The following NARF variants were observed in gnomAD, a reference collection of about 807,000 sequenced individuals.
NARF encodes the protein iron-only hydrogenase-like protein 2.
In NARF, 41 loss-of-function variants were observed where a neutral mutation model predicts 48.0. The ratio of observed to expected loss-of-function variants is 0.85; its 90% CI spans 0.66 to 1.11. NARF has a LOEUF of 1.11. NARF is among the 50% of genes least tolerant of loss of function. The pLI, the probability that NARF is intolerant of heterozygous loss-of-function variation, is 0.00. For synonymous variants in NARF, 215 were observed against 225.5 expected (o/e 0.95, Z 0.42); for missense variants, 613 against 590.2 (o/e 1.04, Z -0.40).
intron 1 of NARF, chr17:82,459,287 A>G (rs1053163144): frequency 4.9e-6 from 3 of 615,356 alleles, no homozygotes; most frequent in Non-Finnish European, 6.1e-6. Flanking sequence ...CATGGCAACA[A>G]CCGCGCAGCG....
In NARF at chr17:82,478,918, G is replaced by T. The variant is rs2043897401; in HGVS notation, c.639G>T (p.Gln213His). Residue 213 changes from glutamine to histidine, a missense_variant and splice_region_variant, in exon 6 of 11, where the codon CAG (glutamine) becomes CAT (histidine). Transcript: ENST00000309794. Reference protein sequence around the residue: ...SLVKDYFARQQNLSPEKIFHV... With the variant: ...SLVKDYFARQHNLSPEKIFHV... ...TGAAGGATTATTTCGCCAGACAGCA[G>T]GTAAGCTGACCTCTCTGGAGGGCAG... is the stretch of plus-strand genomic sequence containing the variant. The T allele has an allele frequency of 6.2e-6, 10 of 1,613,144 alleles. No individual in the cohort carries two copies. The highest frequency in any genetic ancestry group is 8.5e-6 in the Non-Finnish European group (10 of 1,179,518).
intron 4 of NARF, 24 bp from the exon 5 acceptor site, chr17:82,472,540 T>C (rs2043734552): frequency 1.9e-6 from 3 of 1,575,570 alleles, no homozygotes; most frequent in Non-Finnish European, 2.6e-6. Context: ...TGATTTAAGC[T>C]GAATATGCTC....
rs768436958 is a variant in NARF at position 82,484,780 on chromosome 17, C to A, written c.834-33C>A. On this transcript the variant is annotated intron_variant, in intron 8 of 10. Transcript: ENST00000309794. Reference sequence around the variant, plus strand: ...CTTTCTGTCACTGTACGTCAGCATTCATGAAGGACTTGTATTTTCTCTGCC... The same window carrying A: ...CTTTCTGTCACTGTACGTCAGCATTAATGAAGGACTTGTATTTTCTCTGCC... The A allele has an allele frequency of 3.2e-6, 5 of 1,553,800 alleles. No homozygotes were observed. The South Asian group carries it at 6.1e-5, about 19-fold the overall frequency.
intron 3 of NARF, among the ~76,000 whole-genome samples, chr17:82,467,452 C>T (rs2043596744): frequency 6.6e-6 from 1 of 152,038 alleles, no homozygotes; most frequent in African/African-American, 2.4e-5. Context: ...GGCTTACTCA[C>T]AAAACATCTT....
In NARF at chr17:82,485,574, GAAACATCCAGA is replaced by G; in HGVS notation, c.1051_1061del (p.Asn351HisfsTer6). 1 of 1,614,208 alleles carries G rather than the reference GAAACATCCAGA, an allele frequency of 6.2e-7. No individual in the cohort carries two copies. The highest frequency in any genetic ancestry group is 8.5e-7 in the Non-Finnish European group (1 of 1,180,040). ...CGCTTTGCTGCAGCCTATGGCTTTC[GAAACATCCAGA>G]ACATGATCCTGAAGCTTAAGAAGGG... On this transcript the variant is annotated frameshift_variant, in exon 10 of 11. Coordinates refer to ENST00000309794, the MANE Select transcript of NARF (RefSeq NM_012336.4). LOFTEE classifies it high-confidence loss of function.
In NARF at chr17:82,464,280, T is replaced by C; in HGVS notation, c.109-7T>C. 6.2e-7 allele frequency: 1 copy of C among 1,611,476 alleles called. No homozygotes were observed. On this transcript the variant is annotated splice_region_variant and splice_polypyrimidine_tract_variant and intron_variant, in intron 2 of 10. Transcript: ENST00000309794. Reference sequence around the variant, plus strand: ...GAATAATCATGCTGAAACGTCATCTTTCATAGAAGGGAGAATTCCACAAGT... The same window carrying C: ...GAATAATCATGCTGAAACGTCATCTCTCATAGAAGGGAGAATTCCACAAGT...
chr17:82,459,060 C>G, intron 1 of NARF: 1 of 1,202,886 alleles, frequency 8.3e-7, no homozygotes, highest in East Asian at 3.4e-5. Context: ...TCCATCTTTC[C>G]CACGCCCGCG....
chr17:82,458,891 C>A, intron 1 of NARF, 61 bp downstream of exon 1: 1 of 1,305,764 alleles, frequency 7.7e-7, no homozygotes, highest in Non-Finnish European at 9.7e-7. Flanking sequence ...CTCTGGGCGG[C>A]CGAGGTTGGC....
At chr17:82,467,803 C>T (rs1044449499) in intron 3 of NARF, among the ~76,000 whole-genome samples, 3 of 152,134 alleles carry the variant, frequency 2.0e-5, no homozygotes, top group Non-Finnish European at 1.5e-5. Flanking sequence ...CATGCCCAGC[C>T]GGGCTGATGA....
intron 5 of NARF, among the ~76,000 whole-genome samples, chr17:82,476,419 G>A (rs2043833351): frequency 6.6e-6 from 1 of 152,060 alleles, no homozygotes; most frequent in Admixed American, 6.6e-5. Context: ...TGGGATTACA[G>A]CAGTGAGCCA....
At chr17:82,467,136 T>C (rs972069987) in intron 3 of NARF, among the ~76,000 whole-genome samples, 1 of 152,086 alleles carries the variant, frequency 6.6e-6, no homozygotes, top group African/African-American at 2.4e-5. Context: ...GACCTCCACC[T>C]CCTGGGTTCA....
At chr17:82,467,887 T>C (rs1402827078) in intron 3 of NARF, among the ~76,000 whole-genome samples, 1 of 152,220 alleles carries the variant, frequency 6.6e-6, no homozygotes, top group Non-Finnish European at 1.5e-5. Flanking sequence ...TTTCACTTAT[T>C]CATTGGCCAA....
chr17:82,469,246 T>C (rs1335023122), intron 4 of NARF, among the ~76,000 whole-genome samples: 1 of 152,240 alleles, frequency 6.6e-6, no homozygotes, highest in African/African-American at 2.4e-5. Context: ...CCAGAGGGTG[T>C]GCATTTGATA....
intron 3 of NARF, among the ~76,000 whole-genome samples, chr17:82,468,085 G>T (rs559800977): frequency 4.5e-4 from 68 of 152,208 alleles, no homozygotes; most frequent in Non-Finnish European, 7.6e-4. Context: ...GCCGAGGCAG[G>T]TGGATCACAA....
At chr17:82,461,576 A>G (rs568530138) in intron 2 of NARF, among the ~76,000 whole-genome samples, 1 of 152,262 alleles carries the variant, frequency 6.6e-6, no homozygotes, top group East Asian at 1.9e-4. Context: ...ACGCCACTGC[A>G]CTCCAGCTGG....
chr17:82,483,786 G>A lies in NARF; in HGVS notation c.833+7G>A. 6.2e-7 allele frequency: 1 copy of A among 1,613,188 alleles called. No individual in the cohort carries two copies. Among genetic ancestry groups the A allele is most frequent in the Non-Finnish European group, 8.5e-7 (1 of 1,179,828 alleles). The stretch of plus-strand genomic sequence containing the variant: ...ATGCTGCCGTCGACACTCTGTAAGT[G>A]GCTTCTCTGGGGAGAGTCCTCTGGG... On this transcript the variant is annotated splice_region_variant and intron_variant, in intron 8 of 10. Coordinates refer to ENST00000309794, the MANE Select transcript of NARF (RefSeq NM_012336.4).
upstream of NARF, chr17:82,458,736 GT>G (rs1245900943): frequency 6.8e-7 from 1 of 1,462,552 alleles, no homozygotes; most frequent in Non-Finnish European, 9.0e-7. Context: ...GCGGCGGGCA[GT>G]GGTGTCCCAG....
At chr17:82,482,011 C>G (rs1007447303) in intron 7 of NARF, 3 of 295,312 alleles carry the variant, frequency 1.0e-5, no homozygotes, top group Admixed American at 5.0e-5. Flanking sequence ...ACAGTGAGTT[C>G]TGTGTGTGTT....
intron 3 of NARF, among the ~76,000 whole-genome samples, chr17:82,464,803 A>G (rs892417075): frequency 2.0e-5 from 3 of 152,178 alleles, no homozygotes; most frequent in Non-Finnish European, 4.4e-5. Flanking sequence ...CACGAGAGTT[A>G]TGTTCTAATA....
Sources: allele counts gnomAD v4.1 joint callset (sites outside exome capture counted in the v4.1 genomes callset), GRCh38; gene constraint gnomAD v4.1.1; transcripts MANE v1.5; gene names NCBI Gene and HGNC (gene_info 2026-07-23, HGNC 2026-07-21).